The following DAB1 variants were observed in gnomAD, a reference collection of about 807,000 sequenced individuals.
DAB1 encodes DAB adaptor protein 1.
A neutral mutation model predicts 64.6 loss-of-function variants in DAB1; 15 were observed. The ratio of observed to expected loss-of-function variants is 0.23; its 90% CI spans 0.16 to 0.36. The LOEUF is 0.36. Ranked by LOEUF, DAB1 falls within the 10% of genes least tolerant of loss-of-function variation. DAB1 has a pLI of 1.00. For synonymous variants in DAB1, 235 were observed against 251.9 expected, an observed-to-expected ratio of 0.93 and a Z score of 0.64; for missense variants, 596 against 706.7, an observed-to-expected ratio of 0.84 and a Z score of 1.78.
intron 7 of DAB1, among the ~76,000 whole-genome samples, chr1:57,471,834 T>C (rs970409677): frequency 6.6e-6 from 1 of 152,366 alleles, no homozygotes. Flanking sequence ...CATATATCTG[T>C]ATTATACACC....
chr1:57,374,370 T>G (rs1264336225), intron 1 of DAB1, among the ~76,000 whole-genome samples: 1 of 152,212 alleles, frequency 6.6e-6, no homozygotes, highest in African/African-American at 2.4e-5. Flanking sequence ...CATGTAAACT[T>G]TTATTAATTT....
intron 2 of DAB1, among the ~76,000 whole-genome samples, chr1:57,264,737 A>T (rs1350884444): frequency 1.3e-5 from 2 of 152,142 alleles, no homozygotes; most frequent in African/African-American, 4.8e-5. Flanking sequence ...TCAATTCCCT[A>T]CTACCAAAGG....
At chr1:57,490,161 T>C (rs1644143714) in intron 7 of DAB1, among the ~76,000 whole-genome samples, 1 of 152,196 alleles carries the variant, frequency 6.6e-6, no homozygotes, top group Non-Finnish European at 1.5e-5. Context: ...GAGAAATAAA[T>C]TTCTGTTGCT....
chr1:58,295,659 A>G (rs1661952562), intron 4 of DAB1, among the ~76,000 whole-genome samples: 1 of 151,606 alleles, frequency 6.6e-6, no homozygotes, highest in South Asian at 2.1e-4. Flanking sequence ...TGTTTGTTTT[A>G]TTTATTGTTT....
intron 5 of DAB1, among the ~76,000 whole-genome samples, chr1:58,081,814 T>G (rs1650015219): frequency 6.6e-6 from 1 of 152,166 alleles, no homozygotes; most frequent in African/African-American, 2.4e-5. Flanking sequence ...CCATCTCTTT[T>G]TTTTCCCCCA....
At chr1:57,617,036 G>A (rs531000166) in intron 7 of DAB1, among the ~76,000 whole-genome samples, 1 of 152,290 alleles carries the variant, frequency 6.6e-6, no homozygotes, top group South Asian at 2.1e-4. Flanking sequence ...TCTATTTAAG[G>A]ATGCTAACTG....
rs1253355280 is a variant in DAB1 at position 58,138,007 on chromosome 1, GA to G, written n.387+12503del. Among the ~76,000 whole-genome samples the G allele has an allele frequency of 4.6e-5, 7 of 151,778 alleles. 1 individual carries two copies. The highest frequency in any genetic ancestry group is 1.0e-4 in the Non-Finnish European group (7 of 67,966). ...GTACTTACAGCTTAGATTTGGGCTGGAAAAAAATATTTTTCTCATAAACATA... is the reference window on the plus strand; with the variant it reads ...GTACTTACAGCTTAGATTTGGGCTGGAAAAAATATTTTTCTCATAAACATA... On this transcript the variant is annotated intron_variant and non_coding_transcript_variant, in intron 5 of 20. Coordinates refer to the DAB1 transcript ENST00000485760.
chr1:58,391,700 T>G (rs1000645474), intron 3 of DAB1, among the ~76,000 whole-genome samples: 1 of 152,348 alleles, frequency 6.6e-6, no homozygotes, highest in East Asian at 1.9e-4. Context: ...TGTCTTCATA[T>G]GACATCAAGA....
Position 57,053,660 on chromosome 1 carries a change from C to CTCTCTATA in DAB1, c.723+9223_723+9224insTATAGAGA, listed in dbSNP as rs1399510534. 3.7e-3 allele frequency among the ~76,000 whole-genome samples: 427 copies of CTCTCTATA among 116,668 alleles called. 4 individuals are homozygous for CTCTCTATA. The highest frequency in any genetic ancestry group is 0.013 in the African/African-American group (386 of 30,122). 76.5% of individuals were successfully genotyped at this position (116,668 alleles called of 152,430 possible). ...TCTAAGAATCTCTCTCTCTCTCTCT[C>CTCTCTATA]TATATGTATATATATATATATATAT... On this transcript the variant is annotated intron_variant, in intron 9 of 14. Transcript: ENST00000371236.
intron 7 of DAB1, among the ~76,000 whole-genome samples, chr1:57,606,513 ATATAT>A (rs1336260880): frequency 6.7e-5 from 5 of 74,694 alleles, no homozygotes; most frequent in South Asian, 8.1e-4. Flanking sequence ...ATATAATATA[ATATAT>A]ATAATATATA....
intron 2 of DAB1, among the ~76,000 whole-genome samples, chr1:57,272,597 C>T (rs1283201398): frequency 2.0e-5 from 3 of 152,098 alleles, no homozygotes; most frequent in African/African-American, 4.8e-5. Flanking sequence ...GAAATGGAGG[C>T]TTAGAGGATT....
intron 1 of DAB1, among the ~76,000 whole-genome samples, chr1:58,542,942 G>A (rs1646644063): frequency 6.6e-6 from 1 of 151,740 alleles, no homozygotes; most frequent in African/African-American, 2.4e-5. Context: ...GGGTGCTATG[G>A]CTAAACAAAG....
At chr1:58,237,153 G>A (rs1216189532) in intron 4 of DAB1, among the ~76,000 whole-genome samples, 1 of 152,184 alleles carries the variant, frequency 6.6e-6, no homozygotes, top group Admixed American at 6.5e-5. Flanking sequence ...GGAGAAACAG[G>A]CACAGAAGGA....
chr1:57,881,502 T>C (rs1644142540), intron 1 of DAB1, among the ~76,000 whole-genome samples: 2 of 152,336 alleles, frequency 1.3e-5, no homozygotes, highest in South Asian at 2.1e-4. Context: ...CTTGAGAGAA[T>C]TGCTTCACTT....
intron 6 of DAB1, among the ~76,000 whole-genome samples, chr1:57,731,433 C>T (rs1212550433): frequency 6.6e-6 from 1 of 151,938 alleles, no homozygotes; most frequent in Admixed American, 6.6e-5. Context: ...TTCTACAGAA[C>T]TGTATAATTA....
chr1:58,187,565 ATATTATTATTAT>A (rs377009640), intron 4 of DAB1, among the ~76,000 whole-genome samples: 1 of 148,130 alleles, frequency 6.8e-6, no homozygotes, highest in African/African-American at 2.5e-5. Flanking sequence ...TATATTTTAT[ATATTATTATTAT>A]TATTATTATT....
chr1:58,429,335 G>C (rs1429710098), intron 3 of DAB1, among the ~76,000 whole-genome samples: 1 of 152,218 alleles, frequency 6.6e-6, no homozygotes, highest in Non-Finnish European at 1.5e-5. Context: ...AACATCAAGA[G>C]AGCAGGCGGG....
intron 7 of DAB1, among the ~76,000 whole-genome samples, chr1:57,593,013 C>G (rs1276192384): frequency 1.3e-5 from 2 of 152,234 alleles, no homozygotes; most frequent in African/African-American, 4.8e-5. Context: ...GTCCATAACA[C>G]TGTCTTAACC....
intron 5 of DAB1, among the ~76,000 whole-genome samples, chr1:57,941,362 G>A (rs1645101503): frequency 6.6e-6 from 1 of 152,154 alleles, no homozygotes; most frequent in South Asian, 2.1e-4. Flanking sequence ...TCACTTTTTT[G>A]TAGGGAATAT....
Sources: gnomAD v4.1 joint callset for allele counts (sites outside exome capture counted in the v4.1 genomes callset) on GRCh38, gnomAD v4.1.1 for gene constraint, MANE v1.5 for transcripts, NCBI Gene and HGNC (gene_info 2026-07-23, HGNC 2026-07-21) for gene names.